ZNF565: variants seen among roughly 807,000 people sequenced by gnomAD.
ZNF565 encodes the protein zinc finger protein 565.
A neutral mutation model predicts 39.4 loss-of-function variants in ZNF565; 27 were observed. The ratio of observed to expected loss-of-function variants is 0.69; its 90% CI spans 0.51 to 0.95. ZNF565 has a LOEUF of 0.95. ZNF565 is among the 40% of genes least tolerant of loss of function. The pLI is 0.00. For missense variants in ZNF565, 524 were observed against 621.1 expected (o/e 0.84, Z 1.66); for synonymous variants, 185 against 216.6 (o/e 0.85, Z 1.28).
intron 1 of ZNF565, among the ~76,000 whole-genome samples, chr19:36,232,996 G>A (rs1036383371): frequency 3.9e-5 from 6 of 152,100 alleles, no homozygotes; most frequent in Admixed American, 3.9e-4. Context: ...ATTTTGCCAC[G>A]CTTTTGTATG....
At chr19:36,216,643 G>C (rs1405485546), upstream of ZNF565, among the ~76,000 whole-genome samples, 3 of 151,976 alleles carry the variant, frequency 2.0e-5, no homozygotes, top group Non-Finnish European at 2.9e-5. Flanking sequence ...GGACAAGAGC[G>C]AGATTCCGTC....
chr19:36,236,515 C>T, intron 1 of ZNF565: 2 of 1,614,182 alleles, frequency 1.2e-6, no homozygotes, highest in Non-Finnish European at 1.7e-6. Context: ...GAAAAGTCTT[C>T]AGCCACAAAT....
upstream of ZNF565, among the ~76,000 whole-genome samples, chr19:36,216,640 A>G (rs116112743): frequency 0.011 from 1,695 of 152,146 alleles, 35 homozygotes; most frequent in African/African-American, 0.038. Context: ...CCTGGACAAG[A>G]GCGAGATTCC....
intron 1 of ZNF565, chr19:36,236,550 T>A: frequency 1.2e-6 from 2 of 1,614,170 alleles, no homozygotes; most frequent in Non-Finnish European, 1.7e-6. Context: ...CATGAGCATT[T>A]TCACACGAGA....
chr19:36,244,001 C>A (rs1474539284), intron 1 of ZNF565, among the ~76,000 whole-genome samples: 1 of 152,190 alleles, frequency 6.6e-6, no homozygotes. Context: ...CACACCCAGC[C>A]TTCCCTTTTT....
At chr19:36,236,875 G>T (rs1384806299) in intron 1 of ZNF565, 2 of 1,613,986 alleles carry the variant, frequency 1.2e-6, no homozygotes, top group African/African-American at 1.3e-5. Context: ...ACCTTACTGA[G>T]CATGAGAAAA....
chr19:36,220,388 G>T, intron 1 of ZNF565, among the ~76,000 whole-genome samples: 2 of 144,424 alleles, frequency 1.4e-5, no homozygotes, highest in Non-Finnish European at 3.0e-5. Context: ...TTTTTGAGAC[G>T]GAGTCTTGCT....
upstream of ZNF565, among the ~76,000 whole-genome samples, chr19:36,216,043 G>GC (rs1035736980): frequency 6.6e-6 from 1 of 151,988 alleles, no homozygotes; most frequent in Non-Finnish European, 1.5e-5. Flanking sequence ...AAATCACCCC[G>GC]CCCCCGCTGT....
intron 4 of ZNF565, among the ~76,000 whole-genome samples, chr19:36,186,589 A>G (rs1426352294): frequency 6.6e-6 from 1 of 151,894 alleles, no homozygotes; most frequent in Non-Finnish European, 1.5e-5. Context: ...GGAGTTCGAA[A>G]CCAGACTGGG....
At chr19:36,205,780 G>T (rs2145354041) in intron 1 of ZNF565, among the ~76,000 whole-genome samples, 1 of 152,094 alleles carries the variant, frequency 6.6e-6, no homozygotes, top group South Asian at 2.1e-4. Flanking sequence ...GGAGAGAGAT[G>T]AATTCAAAAT....
intron 1 of ZNF565, among the ~76,000 whole-genome samples, chr19:36,206,970 A>G (rs1976179032): frequency 6.6e-6 from 1 of 152,186 alleles, no homozygotes; most frequent in Admixed American, 6.6e-5. Context: ...CACAGCCTGA[A>G]TGGATGAGTG....
intron 1 of ZNF565, among the ~76,000 whole-genome samples, chr19:36,222,640 A>G (rs1262648562): frequency 2.6e-5 from 4 of 151,438 alleles, no homozygotes; most frequent in African/African-American, 9.8e-5. Flanking sequence ...ATTTTTTTTT[A>G]TATGTTTAAA....
At chr19:36,203,919 A>C (rs1421327119) in intron 1 of ZNF565, among the ~76,000 whole-genome samples, 2 of 151,238 alleles carry the variant, frequency 1.3e-5, no homozygotes, top group Non-Finnish European at 2.9e-5. Flanking sequence ...AGGTCCAAGA[A>C]GCTTCCTGTA....
intron 4 of ZNF565, among the ~76,000 whole-genome samples, chr19:36,187,205 A>G (rs1975333415): frequency 6.6e-6 from 1 of 152,012 alleles, no homozygotes; most frequent in Non-Finnish European, 1.5e-5. Context: ...AAAAAAAAAT[A>G]GACTTTAAAA....
intron 2 of ZNF565, among the ~76,000 whole-genome samples, chr19:36,201,686 G>A (rs766126395): frequency 6.6e-5 from 10 of 152,032 alleles, no homozygotes; most frequent in Non-Finnish European, 1.5e-4. Context: ...TGTTGTCCAG[G>A]CTGGTCTCGA....
chr19:36,189,408 G>A (rs535456234), intron 4 of ZNF565, among the ~76,000 whole-genome samples: 7 of 151,528 alleles, frequency 4.6e-5, no homozygotes, highest in East Asian at 3.9e-4. Context: ...TCCGCCTCCC[G>A]GGTTCAAACA....
At chr19:36,241,453 C>T (rs566811620) in intron 1 of ZNF565, among the ~76,000 whole-genome samples, 11 of 144,550 alleles carry the variant, frequency 7.6e-5, no homozygotes, top group African/African-American at 1.6e-4. Flanking sequence ...CGTTGAACTC[C>T]GGCCTGGGTG....
upstream of ZNF565, chr19:36,215,335 G>C (rs1010643248): frequency 4.6e-5 from 7 of 152,346 alleles, no homozygotes; most frequent in African/African-American, 1.7e-4. Flanking sequence ...GGGGGCCTCT[G>C]AGGCGGGTTT....
chr19:36,194,899 C>T (rs1380892507), intron 3 of ZNF565, 131 bp downstream of exon 3: 6 of 1,412,270 alleles, frequency 4.2e-6, no homozygotes, highest in Non-Finnish European at 5.9e-6. Flanking sequence ...CTCTCTATGG[C>T]TGTAGTTTGT....
Sources: allele counts gnomAD v4.1 joint callset (sites outside exome capture counted in the v4.1 genomes callset), GRCh38; gene constraint gnomAD v4.1.1; transcripts MANE v1.5; gene names NCBI Gene and HGNC (gene_info 2026-07-23, HGNC 2026-07-21).